Variants in PDSS2 observed in about 807,000 individuals in gnomAD.
PDSS2 encodes decaprenyl diphosphate synthase subunit 2, also known as all trans-polyprenyl-diphosphate synthase PDSS2.
Under a neutral mutation model 44.5 loss-of-function variants are expected in PDSS2, and 31 were observed. The observed-to-expected ratio is 0.70, with a 90% CI of 0.52 to 0.94. The LOEUF is 0.94. Among genes scored for constraint, PDSS2 ranks in the 40% least tolerant of loss-of-function variants. The pLI is 0.00. For missense variants in PDSS2, 452 were observed against 482.2 expected, an observed-to-expected ratio of 0.94 and a Z score of 0.59; for synonymous variants, 157 against 180.3, an observed-to-expected ratio of 0.87 and a Z score of 1.03.
At chr6:107,167,773 T>C (rs1184076159) in intron 7 of PDSS2, among the ~76,000 whole-genome samples, 2 of 152,222 alleles carry the variant, frequency 1.3e-5, no homozygotes, top group South Asian at 2.1e-4. Flanking sequence ...TCAGCTTCCA[T>C]GTAGTTGAGC....
chr6:107,212,779 G>A (rs933414465), intron 4 of PDSS2, among the ~76,000 whole-genome samples: 7 of 151,400 alleles, frequency 4.6e-5, no homozygotes, highest in African/African-American at 1.7e-4. Context: ...GCCAAGGCAG[G>A]AGGATTGCTT....
intron 1 of PDSS2, among the ~76,000 whole-genome samples, chr6:107,364,701 T>G (rs888577276): frequency 2.6e-4 from 40 of 151,320 alleles, no homozygotes; most frequent in African/African-American, 9.2e-4. Flanking sequence ...CACAGTGCAG[T>G]GGGGGGGCTG....
At chr6:107,370,624 T>C (rs1562493872) in intron 1 of PDSS2, among the ~76,000 whole-genome samples, 1 of 152,214 alleles carries the variant, frequency 6.6e-6, no homozygotes, top group South Asian at 2.1e-4. Flanking sequence ...ATAATGAAAT[T>C]TTAATTTCTC....
At chr6:107,167,689 A>T (rs201874071) in intron 7 of PDSS2, among the ~76,000 whole-genome samples, 1 of 152,038 alleles carries the variant, frequency 6.6e-6, no homozygotes, top group Non-Finnish European at 1.5e-5. Flanking sequence ...CTTTGTTCTC[A>T]TTGGTTTCAA....
At chr6:107,373,817 T>A (rs968515139) in intron 1 of PDSS2, among the ~76,000 whole-genome samples, 1 of 152,216 alleles carries the variant, frequency 6.6e-6, no homozygotes, top group African/African-American at 2.4e-5. Flanking sequence ...GGATTATAGA[T>A]GAAGTACAAC....
At chr6:107,327,888 G>C (rs1777597808) in intron 2 of PDSS2, among the ~76,000 whole-genome samples, 1 of 152,204 alleles carries the variant, frequency 6.6e-6, no homozygotes, top group African/African-American at 2.4e-5. Context: ...AGGTTGCAAA[G>C]GACATAATAA....
At chr6:107,280,964 C>T (rs949476692) in intron 2 of PDSS2, among the ~76,000 whole-genome samples, 2 of 152,158 alleles carry the variant, frequency 1.3e-5, no homozygotes, top group African/African-American at 2.4e-5. Context: ...TCATGATCCC[C>T]TTCAGCTAGA....
At chr6:107,220,614 C>T in intron 4 of PDSS2, among the ~76,000 whole-genome samples, 1 of 152,096 alleles carries the variant, frequency 6.6e-6, no homozygotes, top group South Asian at 2.1e-4. Context: ...TTGTTTATTA[C>T]ATATTTCTTA....
At chr6:107,309,017 T>C (rs1776949759) in intron 2 of PDSS2, among the ~76,000 whole-genome samples, 2 of 152,200 alleles carry the variant, frequency 1.3e-5, no homozygotes, top group Admixed American at 1.3e-4. Context: ...ACATCCTTCA[T>C]CTTCTAGCCA....
chr6:107,229,481 C>T (rs1481414760), intron 4 of PDSS2, among the ~76,000 whole-genome samples: 1 of 152,158 alleles, frequency 6.6e-6, no homozygotes, highest in Non-Finnish European at 1.5e-5. Context: ...CTGTGCCCGG[C>T]CTCACTTTTC....
chr6:107,429,707 A>G (rs568753437), intron 1 of PDSS2, among the ~76,000 whole-genome samples: 22 of 151,420 alleles, frequency 1.5e-4, no homozygotes, highest in African/African-American at 5.1e-4. Context: ...CAACATGGAG[A>G]AACCCTGTCT....
At chr6:107,436,728 C>T (rs1224055213) in intron 1 of PDSS2, among the ~76,000 whole-genome samples, 4 of 152,068 alleles carry the variant, frequency 2.6e-5, no homozygotes, top group Non-Finnish European at 5.9e-5. Flanking sequence ...AGGGTAAGAA[C>T]GTTCCCAACA....
chr6:107,359,624 TAA>T (rs371733995), intron 1 of PDSS2, among the ~76,000 whole-genome samples: 62 of 126,970 alleles, frequency 4.9e-4, no homozygotes, highest in Non-Finnish European at 6.0e-4. Flanking sequence ...AGAATGTGTT[TAA>T]AAAAAAAAAA....
chr6:107,423,138 T>C (rs1780879615), intron 1 of PDSS2, among the ~76,000 whole-genome samples: 1 of 152,156 alleles, frequency 6.6e-6, no homozygotes, highest in South Asian at 2.1e-4. Flanking sequence ...TGCTTGCTCA[T>C]CATGAAGTTG....
intron 7 of PDSS2, among the ~76,000 whole-genome samples, chr6:107,184,476 G>A (rs989460205): frequency 4.6e-5 from 7 of 152,192 alleles, no homozygotes; most frequent in Admixed American, 1.3e-4. Context: ...ATCATGACAT[G>A]AGAAGAAAGA....
intron 3 of PDSS2, among the ~76,000 whole-genome samples, chr6:107,267,624 GCCCAGGCTAGAGA>G (rs1775454447): frequency 7.5e-6 from 1 of 133,758 alleles, no homozygotes; most frequent in Non-Finnish European, 1.6e-5. Context: ...GGGCTCTATT[GCCCAGGCTAGAGA>G]AACAGTGGTG....
At chr6:107,261,578 C>CTTTTTTTTTT (rs36106088) in intron 3 of PDSS2, among the ~76,000 whole-genome samples, 8 of 112,816 alleles carry the variant, frequency 7.1e-5, no homozygotes, top group African/African-American at 9.1e-5. Context: ...TCTTTTCTTT[C>CTTTTTTTTTT]TTTTTTTTTT....
At chr6:107,306,085 A>G (rs569784116) in intron 2 of PDSS2, among the ~76,000 whole-genome samples, 67 of 152,336 alleles carry the variant, frequency 4.4e-4, no homozygotes, top group African/African-American at 1.6e-3. Flanking sequence ...TATGGGTGAC[A>G]GAAGTACAAT....
At chr6:107,276,134 A>G (rs1212099540) in intron 2 of PDSS2, among the ~76,000 whole-genome samples, 23 of 148,554 alleles carry the variant, frequency 1.5e-4, no homozygotes, top group African/African-American at 3.7e-4. Flanking sequence ...GAAAGAAAAG[A>G]AAAGAAAAGA....
Sources: gnomAD v4.1 joint callset for allele counts (sites outside exome capture counted in the v4.1 genomes callset) on GRCh38, gnomAD v4.1.1 for gene constraint, MANE v1.5 for transcripts, NCBI Gene and HGNC (gene_info 2026-07-23, HGNC 2026-07-21) for gene names.